The following LRRIQ3 variants were observed in gnomAD, a reference collection of about 807,000 sequenced individuals.
LRRIQ3 encodes the protein leucine-rich repeat and IQ domain-containing protein 3.
Under a neutral mutation model 59.3 loss-of-function variants are expected in LRRIQ3, and 75 were observed. That is an observed-to-expected ratio of 1.26 (90% confidence interval 1.05 to 1.53). The LOEUF (loss-of-function observed/expected upper bound fraction) is 1.53. LRRIQ3 is among the 40% of genes most tolerant of loss of function. LRRIQ3 has a pLI of 0.00. For synonymous variants in LRRIQ3, 250 were observed against 231.3 expected (o/e 1.08, Z -0.73); for missense variants, 831 against 710.0 (o/e 1.17, Z -1.94).
At chr1:74,124,802 T>C (rs1443972752) in intron 4 of LRRIQ3, among the ~76,000 whole-genome samples, 1 of 151,870 alleles carries the variant, frequency 6.6e-6, no homozygotes, top group African/African-American at 2.4e-5. Context: ...TGATTCCTCC[T>C]GTTTTGTTCT....
chr1:74,134,639 T>C (rs1333290297), intron 4 of LRRIQ3, among the ~76,000 whole-genome samples: 1 of 151,934 alleles, frequency 6.6e-6, no homozygotes, highest in Admixed American at 6.6e-5. Context: ...ATTTAAGTTT[T>C]ACTGGAGCAA....
chr1:74,079,796 G>A (rs1374017756), intron 5 of LRRIQ3, among the ~76,000 whole-genome samples: 1 of 151,826 alleles, frequency 6.6e-6, no homozygotes, highest in Non-Finnish European at 1.5e-5. Flanking sequence ...GTAAAACAAA[G>A]CTCCATTCTT....
chr1:74,133,022 AAAAC>A (rs1266264969), intron 4 of LRRIQ3, among the ~76,000 whole-genome samples: 1 of 152,174 alleles, frequency 6.6e-6, no homozygotes, highest in African/African-American at 2.4e-5. Flanking sequence ...TTACAAGAAA[AAAAC>A]AAACAATCCC....
At chr1:74,067,813 C>T (rs973139773) in intron 6 of LRRIQ3, among the ~76,000 whole-genome samples, 1 of 152,050 alleles carries the variant, frequency 6.6e-6, no homozygotes, top group African/African-American at 2.4e-5. Context: ...GTCTAAAAGA[C>T]TTGTTAAATT....
At chr1:74,109,349 T>C (rs915564669) in intron 5 of LRRIQ3, 45 bp downstream of exon 5, 2 of 1,278,184 alleles carry the variant, frequency 1.6e-6, no homozygotes, top group Non-Finnish European at 2.2e-6. Context: ...AACTTTAATA[T>C]CTTAAATACA....
At chr1:74,063,772 T>A (rs1177369957) in intron 6 of LRRIQ3, among the ~76,000 whole-genome samples, 3 of 151,970 alleles carry the variant, frequency 2.0e-5, no homozygotes, top group East Asian at 3.8e-4. Context: ...TCAAATTACA[T>A]GAAACTTTAA....
intron 3 of LRRIQ3, among the ~76,000 whole-genome samples, chr1:74,164,434 T>C (rs1051451019): frequency 6.6e-6 from 1 of 151,504 alleles, no homozygotes; most frequent in African/African-American, 2.4e-5. Flanking sequence ...TACAAGCCAA[T>C]GAGAGAGTCT....
chr1:74,088,089 TCAAA>T (rs113087106), intron 5 of LRRIQ3, among the ~76,000 whole-genome samples: 16 of 151,928 alleles, frequency 1.1e-4, no homozygotes, highest in African/African-American at 3.1e-4. Flanking sequence ...TGAGACTCCA[TCAAA>T]CAAACAAACA....
chr1:74,125,926 G>A (rs535846280), intron 4 of LRRIQ3, among the ~76,000 whole-genome samples: 1 of 151,834 alleles, frequency 6.6e-6, no homozygotes, highest in South Asian at 2.1e-4. Flanking sequence ...GAATAGGATT[G>A]GTGTTAGTTC....
intron 3 of LRRIQ3, chr1:74,181,694 T>G (rs1649985566): frequency 6.6e-6 from 1 of 151,848 alleles, no homozygotes; most frequent in Non-Finnish European, 1.5e-5. Flanking sequence ...TCCTAAATTT[T>G]TAAAACTATT....
chr1:74,173,900 T>C (rs1306636794), intron 3 of LRRIQ3, among the ~76,000 whole-genome samples: 1 of 152,152 alleles, frequency 6.6e-6, no homozygotes, highest in African/African-American at 2.4e-5. Flanking sequence ...TTTTTGGTTG[T>C]CACGTTTTGG....
At chr1:74,119,987 A>T (rs1570148204) in intron 4 of LRRIQ3, among the ~76,000 whole-genome samples, 1 of 152,198 alleles carries the variant, frequency 6.6e-6, no homozygotes, top group Non-Finnish European at 1.5e-5. Flanking sequence ...GTTTAAACAT[A>T]AACTTAGAAA....
rs571677821 is a variant in LRRIQ3 at position 74,174,187 on chromosome 1, TC to T, written c.573+8350del. Among the ~76,000 whole-genome samples, 613 of 152,240 alleles carry T rather than the reference TC, an allele frequency of 4.0e-3. 4 individuals carry two copies. The highest frequency in any genetic ancestry group is 7.1e-3 in the Non-Finnish European group (481 of 68,010). ...GTTTTACTTGATGGTGTCTCATCAG[TC>T]CCATAGAGTTTCTTCACACTTTTTT... On this transcript the variant is annotated intron_variant, in intron 3 of 7. Transcript: ENST00000354431.
chr1:74,120,816 A>G (rs916243845), intron 4 of LRRIQ3, among the ~76,000 whole-genome samples: 2 of 152,028 alleles, frequency 1.3e-5, no homozygotes, highest in Admixed American at 1.3e-4. Context: ...ACTCAATAAC[A>G]TGATTACATT....
chr1:74,080,390 T>A (rs1646260707), intron 5 of LRRIQ3, among the ~76,000 whole-genome samples: 1 of 151,706 alleles, frequency 6.6e-6, no homozygotes, highest in Non-Finnish European at 1.5e-5. Flanking sequence ...AATAAGTACC[T>A]GGTTATAAAA....
chr1:74,088,881 C>A (rs766362402), intron 5 of LRRIQ3, among the ~76,000 whole-genome samples: 9 of 151,794 alleles, frequency 5.9e-5, no homozygotes, highest in Non-Finnish European at 1.3e-4. Flanking sequence ...GAAAAGACAA[C>A]CCACATAATG....
chr1:74,111,902 C>A (rs745619050), intron 4 of LRRIQ3, among the ~76,000 whole-genome samples: 19 of 152,036 alleles, frequency 1.2e-4, no homozygotes, highest in Non-Finnish European at 2.1e-4. Context: ...ACATCCCGAT[C>A]CTACCTCCAT....
At chr1:74,119,231 A>T (rs1321846078) in intron 4 of LRRIQ3, among the ~76,000 whole-genome samples, 1 of 151,860 alleles carries the variant, frequency 6.6e-6, no homozygotes. Flanking sequence ...CCCACTTTAA[A>T]TTTTTTTTCA....
At chr1:74,047,408 C>A (rs1352577574) in intron 6 of LRRIQ3, among the ~76,000 whole-genome samples, 1 of 151,978 alleles carries the variant, frequency 6.6e-6, no homozygotes, top group East Asian at 1.9e-4. Flanking sequence ...CACATGGGCA[C>A]AGGGAGAGGA....
Sources: allele counts gnomAD v4.1 joint callset (sites outside exome capture counted in the v4.1 genomes callset), GRCh38; gene constraint gnomAD v4.1.1; transcripts MANE v1.5; gene names NCBI Gene and HGNC (gene_info 2026-07-23, HGNC 2026-07-21).